The following ZNF534 variants were observed in gnomAD, a reference collection of about 807,000 sequenced individuals.
ZNF534 encodes the protein KRAB domain only 3.
In ZNF534, 19 loss-of-function variants were observed where a neutral mutation model predicts 13.6. The ratio of observed to expected loss-of-function variants is 1.40; its 90% confidence interval spans 0.97 to 2.05. ZNF534 has a LOEUF of 2.05. Ranked by LOEUF, ZNF534 falls within the 30% of genes most tolerant of loss-of-function variation. ZNF534 has a pLI of 0.00. For synonymous variants in ZNF534, 244 were observed against 273.8 expected (o/e 0.89, Z 1.07); for missense variants, 782 against 796.3 (o/e 0.98, Z 0.22).
chr19:52,451,534 C>T (rs759650290), exon 5 of ZNF534: 8 of 600,882 alleles, frequency 1.3e-5, no homozygotes, highest in Non-Finnish European at 2.3e-5. Context: ...GGGCCCAGCC[C>T]GCGGAGGAGG....
intron 1 of ZNF534, among the ~76,000 whole-genome samples, chr19:52,431,035 A>G (rs996578964): frequency 5.3e-5 from 8 of 151,786 alleles, no homozygotes; most frequent in African/African-American, 1.9e-4. Flanking sequence ...TATCCTTAGT[A>G]GAGACGAGGG....
Position 52,441,125 on chromosome 19 carries a change from C to T in ZNF534, c.*1679C>T, listed in dbSNP as rs562620061. Among the ~76,000 whole-genome samples, 9 of 152,258 alleles carry T rather than the reference C, an allele frequency of 5.9e-5. No homozygotes were observed. The highest frequency in any genetic ancestry group is 2.1e-4 in the South Asian group (1 of 4,826). On this transcript the variant is annotated 3_prime_UTR_variant, in exon 5 of 5. Coordinates refer to ENST00000433050, the MANE Select transcript of ZNF534 (RefSeq NM_001143938.3). ...TTCACCATGTTAGCCAGGCTGGTCT[C>T]GATCTCCTGACCTTGTGATCCATCT... is the stretch of plus-strand genomic sequence containing the variant.
At chr19:52,443,233 A>G (rs2608505), downstream of ZNF534, among the ~76,000 whole-genome samples, 139,655 of 152,172 alleles carry the variant, frequency 0.92, 64,432 homozygotes, top group Non-Finnish European at 0.97. Context: ...CAGTGTGCCT[A>G]GGTGATTATC....
exon 5 of ZNF534, chr19:52,451,441 C>A: frequency 1.6e-6 from 1 of 643,078 alleles, no homozygotes; most frequent in Non-Finnish European, 2.8e-6. Flanking sequence ...TGCGGCGCCG[C>A]ACGCCCCGGA....
intron 4 of ZNF534, among the ~76,000 whole-genome samples, chr19:52,448,604 C>T (rs879840921): frequency 1.3e-5 from 2 of 152,032 alleles, no homozygotes; most frequent in Admixed American, 1.3e-4. Context: ...CCATCTGTGC[C>T]TGAAAATTGC....
chr19:52,446,022 TGTATAA>T (rs2059193279), downstream of ZNF534, among the ~76,000 whole-genome samples: 1 of 152,214 alleles, frequency 6.6e-6, no homozygotes, highest in Non-Finnish European at 1.5e-5. Flanking sequence ...AACTAGGTTC[TGTATAA>T]TTATGAAAAA....
downstream of ZNF534, among the ~76,000 whole-genome samples, chr19:52,446,435 C>A (rs1478997075): frequency 6.6e-6 from 1 of 152,146 alleles, no homozygotes; most frequent in Non-Finnish European, 1.5e-5. Context: ...AACGGTGCAT[C>A]CTGAGACCCT....
At chr19:52,435,929 TCTTCTTC>T (rs2059125571) in intron 4 of ZNF534, among the ~76,000 whole-genome samples, 1 of 5,546 alleles carries the variant, frequency 1.8e-4, no homozygotes, top group Non-Finnish European at 4.1e-3. Flanking sequence ...TTCTTATTTT[TCTTCTTC>T]TTCTTTTTTT....
At chr19:52,430,396 T>C (rs551140174) in intron 1 of ZNF534, among the ~76,000 whole-genome samples, 4 of 152,152 alleles carry the variant, frequency 2.6e-5, no homozygotes, top group Non-Finnish European at 4.4e-5. Flanking sequence ...TTAGTACTGA[T>C]GGAGGTTTCA....
rs1198702587 is a variant in ZNF534 at position 52,439,884 on chromosome 19, C to T, written c.*438C>T. 3.9e-5 allele frequency among the ~76,000 whole-genome samples: 6 copies of T among 152,064 alleles called. No individual in the cohort carries two copies. The highest frequency in any genetic ancestry group is 1.4e-4 in the African/African-American group (6 of 41,472). ...AGAAGTTCGAGACCAGCCTGACCAA[C>T]ATGGAGAAACCCCATCTCTACTAAA... On this transcript the variant is annotated 3_prime_UTR_variant, in exon 5 of 5. Coordinates refer to ENST00000433050, the MANE Select transcript of ZNF534 (RefSeq NM_001143938.3).
chr19:52,444,129 G>GAT (rs1555749091), downstream of ZNF534, among the ~76,000 whole-genome samples: 4 of 151,894 alleles, frequency 2.6e-5, no homozygotes, highest in African/African-American at 9.7e-5. Flanking sequence ...ATTTGGGTAG[G>GAT]CTGTCAGAGG....
At chr19:52,435,056 A>G (rs117305879) in intron 3 of ZNF534, 25 bp from the exon 4 acceptor site, 66,003 of 1,607,592 alleles carry the variant, frequency 0.041, 1,747 homozygotes, top group Admixed American at 0.096. Flanking sequence ...CACAGCACAC[A>G]TTTATTCTTT....
Position 52,437,835 on chromosome 19 carries a change from T to C in ZNF534, c.375T>C (p.Ala125=). The change falls in exon 5 of 5, where the codon GCT becomes GCC. Residue 125 remains alanine (A), a synonymous_variant. Coordinates refer to ENST00000433050, the MANE Select transcript of ZNF534 (RefSeq NM_001143938.3). ...TGACTGAATGGCAGCCATTTCAAGC[T>C]GTAAGGAATATTTATGGATGTAAGC... ...LHLTEWQPFQ[A]VRNIYGCKHV... 1.2e-6 allele frequency: 2 copies of C among 1,613,762 alleles called. No individual in the cohort carries two copies. Among genetic ancestry groups the C allele is most frequent in the Non-Finnish European group, 8.5e-7 (1 of 1,179,768 alleles).
At chr19:52,451,277 T>C (rs2059214261) in exon 5 of ZNF534, 1 of 1,019,054 alleles carries the variant, frequency 9.8e-7, no homozygotes, top group African/African-American at 1.6e-5. Context: ...GGCCCAAACT[T>C]TGTGGGAAAT....
At chr19:52,445,040 AT>A, downstream of ZNF534, among the ~76,000 whole-genome samples, 1 of 152,104 alleles carries the variant, frequency 6.6e-6, no homozygotes, top group South Asian at 2.1e-4. Context: ...TTCAGTTGGA[AT>A]TGTTACAAAG....
chr19:52,446,717 C>G (rs905167946), downstream of ZNF534, among the ~76,000 whole-genome samples: 1 of 152,098 alleles, frequency 6.6e-6, no homozygotes, highest in Non-Finnish European at 1.5e-5. Flanking sequence ...AATTAGCTGA[C>G]TGTAGTAGTA....
At chr19:52,443,752 AAAC>A (rs1384882928), downstream of ZNF534, among the ~76,000 whole-genome samples, 2 of 150,646 alleles carry the variant, frequency 1.3e-5, no homozygotes, top group African/African-American at 2.4e-5. Flanking sequence ...TCCATCTCAA[AAAC>A]AAACAAAAAA....
In ZNF534 at chr19:52,438,793, A is replaced by G. The variant is rs371048121; in HGVS notation, c.1333A>G (p.Lys445Glu). The G allele has an allele frequency of 2.2e-5, 35 of 1,609,966 alleles. No homozygotes were observed. Among genetic ancestry groups the G allele is most frequent in the Non-Finnish European group, 2.8e-5 (33 of 1,178,016 alleles). The change falls in exon 5 of 5, where the codon AAG (lysine) becomes GAG (glutamate). Residue 445 changes from lysine (K) to glutamate (E), a missense_variant. Around this residue, in one of 5 missense-constraint regions of ZNF534, gnomAD observed 591 missense variants for 574.0 expected, o/e 1.03. Transcript: ENST00000433050. ...EKPYECIDCG[K>E]VFRHKSSLTY... ...ACCTTACGAATGTATAGACTGTGGC[A>G]AGGTCTTCAGGCACAAGTCTTCCCT...
chr19:52,435,299 C>A, intron 4 of ZNF534, 90 bp downstream of exon 4: 2 of 1,394,196 alleles, frequency 1.4e-6, no homozygotes, highest in South Asian at 1.6e-5. Flanking sequence ...AGTACAGTGG[C>A]AATCATAGCT....
Sources: allele counts gnomAD v4.1 joint callset (sites outside exome capture counted in the v4.1 genomes callset), GRCh38; gene constraint gnomAD v4.1.1; regional missense constraint gnomAD v4.1.1; transcripts MANE v1.5; gene names NCBI Gene and HGNC (gene_info 2026-07-23, HGNC 2026-07-21).